CSTPP1: variants seen among roughly 807,000 people sequenced by gnomAD.
The protein encoded by CSTPP1 is UPF0705 protein C11orf49.
the CSTPP1 span, among the ~76,000 whole-genome samples, chr11:46,995,158 C>G: frequency 6.6e-6 from 1 of 151,864 alleles, no homozygotes; most frequent in African/African-American, 2.4e-5. Flanking sequence ...CTATTTGATT[C>G]TTCTCTCTTT....
the CSTPP1 span, among the ~76,000 whole-genome samples, chr11:47,071,558 T>A: frequency 2.0e-5 from 3 of 152,214 alleles, no homozygotes; most frequent in African/African-American, 7.2e-5. Context: ...GCATATTTTA[T>A]CTTTGGATCC....
chr11:47,074,735 A>G, the CSTPP1 span, among the ~76,000 whole-genome samples: 1 of 152,204 alleles, frequency 6.6e-6, no homozygotes, highest in Non-Finnish European at 1.5e-5. Context: ...TGAGAACCAT[A>G]TATTTGAAAT....
At chr11:47,007,518 G>T in the CSTPP1 span, among the ~76,000 whole-genome samples, 1 of 151,642 alleles carries the variant, frequency 6.6e-6, no homozygotes, top group Admixed American at 6.6e-5. Context: ...GCTAAATCTT[G>T]TCTTTCATTT....
At chr11:47,135,276 A>G in the CSTPP1 span, among the ~76,000 whole-genome samples, 1 of 152,214 alleles carries the variant, frequency 6.6e-6, no homozygotes, top group Non-Finnish European at 1.5e-5. Context: ...TATAGACATC[A>G]TCTCTCTTAC....
chr11:46,943,424 G>A, the CSTPP1 span, among the ~76,000 whole-genome samples: 2 of 152,214 alleles, frequency 1.3e-5, no homozygotes, highest in Non-Finnish European at 2.9e-5. Context: ...AACTCCCAAA[G>A]TGGGGCTCCA....
At chr11:47,150,640 G>A in the CSTPP1 span, among the ~76,000 whole-genome samples, 4 of 152,166 alleles carry the variant, frequency 2.6e-5, no homozygotes, top group African/African-American at 9.7e-5. Flanking sequence ...GAGATATCCG[G>A]TAGGTGAGGA....
chr11:47,094,619 T>A, the CSTPP1 span, among the ~76,000 whole-genome samples: 1 of 152,234 alleles, frequency 6.6e-6, no homozygotes, highest in Non-Finnish European at 1.5e-5. Flanking sequence ...GTTTTTTGTA[T>A]GTCAGTTAAA....
chr11:47,051,013 A>G, the CSTPP1 span, among the ~76,000 whole-genome samples: 1 of 152,230 alleles, frequency 6.6e-6, no homozygotes, highest in South Asian at 2.1e-4. Flanking sequence ...TATTAAAGAC[A>G]AGTTAGATAC....
At chr11:46,978,592 C>T in the CSTPP1 span, among the ~76,000 whole-genome samples, 2 of 152,336 alleles carry the variant, frequency 1.3e-5, no homozygotes, top group African/African-American at 2.4e-5. Context: ...TTGCCCCATA[C>T]GGTTTTTGTG....
chr11:46,969,345 T>G, the CSTPP1 span, among the ~76,000 whole-genome samples: 1 of 152,222 alleles, frequency 6.6e-6, no homozygotes, highest in Non-Finnish European at 1.5e-5. Context: ...AAAGATGCAG[T>G]TTTATATAAC....
the CSTPP1 span, among the ~76,000 whole-genome samples, chr11:47,094,265 A>C: frequency 6.6e-6 from 1 of 152,242 alleles, no homozygotes. Flanking sequence ...TTAAAATTAA[A>C]TACAGTTATA....
At chr11:46,961,324 T>C in the CSTPP1 span, among the ~76,000 whole-genome samples, 1 of 152,186 alleles carries the variant, frequency 6.6e-6, no homozygotes, top group Non-Finnish European at 1.5e-5. Flanking sequence ...ATTAATGATG[T>C]TGAGTGTCTT....
the CSTPP1 span, among the ~76,000 whole-genome samples, chr11:47,016,728 A>G: frequency 1.3e-5 from 2 of 152,144 alleles, no homozygotes; most frequent in Non-Finnish European, 2.9e-5. Context: ...GGGTCAAAGG[A>G]AACTTTGGGA....
chr11:46,946,530 C>T, the CSTPP1 span, among the ~76,000 whole-genome samples: 2 of 152,114 alleles, frequency 1.3e-5, no homozygotes, highest in Non-Finnish European at 2.9e-5. Flanking sequence ...TGGTGGCAGG[C>T]GCCTGTAGTC....
At chr11:47,117,266 C>T in the CSTPP1 span, among the ~76,000 whole-genome samples, 5 of 152,184 alleles carry the variant, frequency 3.3e-5, no homozygotes, top group Non-Finnish European at 7.3e-5. Context: ...TTTGCAGTGG[C>T]TGGTACCAGT....
chr11:47,025,420 C>T, the CSTPP1 span, among the ~76,000 whole-genome samples: 1 of 152,128 alleles, frequency 6.6e-6, no homozygotes, highest in African/African-American at 2.4e-5. Flanking sequence ...TCCTAAACCC[C>T]CTTCAATTTT....
At chr11:47,158,076 G>A in the CSTPP1 span, 1 of 668,302 alleles carries the variant, frequency 1.5e-6, no homozygotes, top group East Asian at 2.7e-5. Context: ...GCAGGAATAT[G>A]GCGACAAAAC....
the CSTPP1 span, among the ~76,000 whole-genome samples, chr11:47,055,183 T>C: frequency 6.6e-6 from 1 of 152,134 alleles, no homozygotes; most frequent in Non-Finnish European, 1.5e-5. Flanking sequence ...CTCGTCCACC[T>C]CAGCCTCCCA....
At chr11:47,146,862 G>A in the CSTPP1 span, among the ~76,000 whole-genome samples, 2 of 152,320 alleles carry the variant, frequency 1.3e-5, no homozygotes, top group Admixed American at 1.3e-4. Context: ...AGCTATATAT[G>A]CATCAATCCT....
Sources: gnomAD v4.1 joint callset for allele counts (sites outside exome capture counted in the v4.1 genomes callset) on GRCh38, gnomAD v4.1.1 for gene constraint, MANE v1.5 for transcripts, NCBI Gene and HGNC (gene_info 2026-07-23, HGNC 2026-07-21) for gene names.